The following TBCA variants were observed in gnomAD, a reference collection of about 807,000 sequenced individuals.
TBCA encodes tubulin folding cofactor A.
In TBCA, 6 loss-of-function variants were observed where a neutral mutation model predicts 15.8. That is an observed-to-expected ratio of 0.38 (90% CI 0.21 to 0.75). The LOEUF (loss-of-function observed/expected upper bound fraction) is 0.75. Among genes scored for constraint, TBCA ranks in the 30% least tolerant of loss-of-function variants. The pLI is 0.46. For synonymous variants in TBCA, 32 were observed against 42.3 expected (o/e 0.76, Z 0.94); for missense variants, 90 against 131.2 (o/e 0.69, Z 1.53).
chr5:77,696,905 T>C (rs1212093556), intron 2 of TBCA, among the ~76,000 whole-genome samples: 1 of 152,048 alleles, frequency 6.6e-6, no homozygotes, highest in Non-Finnish European at 1.5e-5. Context: ...GGCAAAAGAG[T>C]GAGACCTTGC....
intron 2 of TBCA, among the ~76,000 whole-genome samples, chr5:77,704,702 T>C (rs1746106816): frequency 6.6e-6 from 1 of 152,032 alleles, no homozygotes. Flanking sequence ...GGCCACAATA[T>C]AGCTAAGCCA....
chr5:77,775,598 C>A (rs1343559560), intron 1 of TBCA, among the ~76,000 whole-genome samples: 1 of 152,206 alleles, frequency 6.6e-6, no homozygotes, highest in East Asian at 1.9e-4. Context: ...CATCTCACAG[C>A]CTCTGGGGCG....
chr5:77,765,233 T>C (rs1328378602), intron 1 of TBCA, among the ~76,000 whole-genome samples: 1 of 152,200 alleles, frequency 6.6e-6, no homozygotes, highest in East Asian at 1.9e-4. Flanking sequence ...AACTCCACTG[T>C]ACAATTGTGA....
At chr5:77,691,681 A>C in intron 3 of TBCA, 183 bp from the exon 4 acceptor site, 2 of 1,343,580 alleles carry the variant, frequency 1.5e-6, no homozygotes, top group Non-Finnish European at 1.9e-6. Context: ...CTTTACAAGG[A>C]AAGGAAGAAA....
chr5:77,713,227 T>C (rs995374495), intron 1 of TBCA, among the ~76,000 whole-genome samples: 1 of 152,008 alleles, frequency 6.6e-6, no homozygotes, highest in African/African-American at 2.4e-5. Context: ...GCCTAGGGAG[T>C]CAAGGATGCA....
rs145818639 is a variant in TBCA, at chr5:77,719,367, T to C, written c.54-11020A>G. Among the ~76,000 whole-genome samples, 336 of 152,268 alleles carry C rather than the reference T, an allele frequency of 2.2e-3. 1 individual carries two copies. The highest frequency in any genetic ancestry group is 7.8e-3 in the African/African-American group (322 of 41,546). ...GGTAAAATCATTCCATGGTTCAATA[T>C]CTGAATAGCACAAAAGAATATACTG... On this transcript the variant is annotated intron_variant, in intron 1 of 3. Coordinates refer to ENST00000380377, the MANE Select transcript of TBCA (RefSeq NM_004607.3).
chr5:77,691,551 T>G, intron 3 of TBCA, 53 bp from the exon 4 acceptor site: 2 of 1,494,994 alleles, frequency 1.3e-6, no homozygotes, highest in East Asian at 2.5e-5. Flanking sequence ...TTTCAGTACT[T>G]TGTTATTTAC....
rs549797639 is a variant in TBCA at position 77,729,697 on chromosome 5, C to T, written c.54-21350G>A. On this transcript the variant is annotated intron_variant, in intron 1 of 3. Coordinates refer to ENST00000380377, the MANE Select transcript of TBCA (RefSeq NM_004607.3). ...GATCTCACAAATAACAAAAAGTACA[C>T]TCAGAATTCCTGTCCCCTGGACAGC... 1.5e-4 allele frequency among the ~76,000 whole-genome samples: 23 copies of T among 152,304 alleles called. No homozygotes were observed. The South Asian group carries it at 2.3e-3, about 15-fold the overall frequency.
chr5:77,719,323 TTC>T (rs1369966687), intron 1 of TBCA, among the ~76,000 whole-genome samples: 1 of 152,214 alleles, frequency 6.6e-6, no homozygotes, highest in East Asian at 1.9e-4. Flanking sequence ...AAATTTAAAT[TTC>T]TTTGATCTGT....
intron 3 of TBCA, chr5:77,692,416 C>T (rs1309648786): frequency 1.0e-6 from 1 of 974,148 alleles, no homozygotes; most frequent in Non-Finnish European, 1.2e-6. Flanking sequence ...TCTTCACATA[C>T]AAATATATCA....
chr5:77,700,970 G>A (rs1580092116), intron 2 of TBCA, among the ~76,000 whole-genome samples: 1 of 152,138 alleles, frequency 6.6e-6, no homozygotes, highest in Non-Finnish European at 1.5e-5. Flanking sequence ...GAAAATGGAA[G>A]ATAACATTGT....
chr5:77,744,380 C>T (rs1339181547), intron 1 of TBCA, among the ~76,000 whole-genome samples: 1 of 151,996 alleles, frequency 6.6e-6, no homozygotes, highest in East Asian at 1.9e-4. Flanking sequence ...TCCCTGCCCC[C>T]AGCAAAGTAT....
rs541836737 is a variant in TBCA at position 77,725,242 on chromosome 5, C to G, written c.54-16895G>C. Among the ~76,000 whole-genome samples, 25 of 152,302 alleles carry G rather than the reference C, an allele frequency of 1.6e-4. No individual in the cohort carries two copies. The South Asian group carries it at 4.4e-3, about 27-fold the overall frequency. The stretch of plus-strand genomic sequence containing the variant: ...CGAACCGTAGCGGTTCAGCTCATTT[C>G]TGCTCATTCTACTAATCTCCTGTCT... On this transcript the variant is annotated intron_variant, in intron 1 of 3. Transcript: ENST00000380377.
chr5:77,776,213 C>T lies in TBCA; in HGVS notation c.45G>A (p.Val15=). 1 of 1,570,340 alleles carries T rather than the reference C, an allele frequency of 6.4e-7. No homozygotes were observed. The highest frequency in any genetic ancestry group is 1.4e-5 in the African/African-American group (1 of 73,914). Residue 15 remains valine, a synonymous_variant, in exon 1 of 4, where the codon GTG becomes GTA. Coordinates refer to ENST00000380377, the MANE Select transcript of TBCA (RefSeq NM_004607.3). Reference sequence around the variant, plus strand: ...CGCTCCCGGCTCCTTACCGCTTCACCACGCCGGTCTTGATCTTGATCTGTC... The same window carrying T: ...CGCTCCCGGCTCCTTACCGCTTCACTACGCCGGTCTTGATCTTGATCTGTC... ...RVRQIKIKTG[V]VKRLVKEKVM...
At chr5:77,698,512 C>T (rs1053633586) in intron 2 of TBCA, among the ~76,000 whole-genome samples, 1 of 152,128 alleles carries the variant, frequency 6.6e-6, no homozygotes, top group Non-Finnish European at 1.5e-5. Flanking sequence ...AATGAAGTTG[C>T]AATTTAAAAG....
chr5:77,707,151 C>A (rs75119222), intron 2 of TBCA, among the ~76,000 whole-genome samples: 2 of 151,822 alleles, frequency 1.3e-5, no homozygotes, highest in African/African-American at 4.8e-5. Context: ...AACAATGTCA[C>A]TGATAGTTAT....
intron 1 of TBCA, among the ~76,000 whole-genome samples, chr5:77,732,917 A>G (rs904209202): frequency 1.3e-5 from 2 of 152,182 alleles, no homozygotes; most frequent in Non-Finnish European, 2.9e-5. Flanking sequence ...AGGTCAGTCA[A>G]TAACTCTATA....
At chr5:77,757,571 G>A (rs981022972) in intron 1 of TBCA, among the ~76,000 whole-genome samples, 1 of 152,170 alleles carries the variant, frequency 6.6e-6, no homozygotes, top group Admixed American at 6.5e-5. Flanking sequence ...GGATTCTCTG[G>A]AGGCAGGGGT....
At chr5:77,732,785 A>G (rs551701426) in intron 1 of TBCA, among the ~76,000 whole-genome samples, 134 of 152,274 alleles carry the variant, frequency 8.8e-4, no homozygotes, top group Non-Finnish European at 1.7e-3. Context: ...AACTGTGCCT[A>G]TATAAGATGG....
Sources: gnomAD v4.1 joint callset for allele counts (sites outside exome capture counted in the v4.1 genomes callset) on GRCh38, gnomAD v4.1.1 for gene constraint, MANE v1.5 for transcripts, NCBI Gene and HGNC (gene_info 2026-07-23, HGNC 2026-07-21) for gene names.